Variants in APAF1 observed in about 807,000 individuals in gnomAD.
APAF1 encodes apoptotic peptidase activating factor 1.
In APAF1, 91 loss-of-function variants were observed where a neutral mutation model predicts 152.4. That is an observed-to-expected ratio of 0.60 (90% CI 0.50 to 0.71). The LOEUF is 0.71. APAF1 is among the 30% of genes least tolerant of loss of function. The pLI, the probability that APAF1 is intolerant of heterozygous loss-of-function variation, is 0.00. For synonymous variants in APAF1, 484 were observed against 494.1 expected (o/e 0.98, Z 0.27); for missense variants, 1,283 against 1,472.0 (o/e 0.87, Z 2.10).
At chr12:98,671,129 CA>C (rs2097679603) in intron 11 of APAF1, 43 bp downstream of exon 11, 2 of 1,213,644 alleles carry the variant, frequency 1.6e-6, no homozygotes, top group East Asian at 4.7e-5. Flanking sequence ...AAAGGAATCT[CA>C]TTTTTTTTTA....
intron 3 of APAF1, chr12:98,649,035 A>C: frequency 5.6e-6 from 4 of 712,414 alleles, no homozygotes; most frequent in South Asian, 3.9e-5. Context: ...AGATAATAAT[A>C]TGTCTACCCT....
At chr12:98,694,656 A>T (rs1388737161) in intron 16 of APAF1, among the ~76,000 whole-genome samples, 2 of 152,044 alleles carry the variant, frequency 1.3e-5, no homozygotes, top group Non-Finnish European at 2.9e-5. Flanking sequence ...TATGGGCATT[A>T]GTAATAGGGT....
At chr12:98,650,902 T>C (rs553016698) in intron 4 of APAF1, among the ~76,000 whole-genome samples, 3 of 151,576 alleles carry the variant, frequency 2.0e-5, no homozygotes, top group Non-Finnish European at 4.4e-5. Context: ...TTTCTTTGTG[T>C]ATTTATAATA....
intron 22 of APAF1, among the ~76,000 whole-genome samples, chr12:98,720,731 C>T (rs1354378037): frequency 6.6e-6 from 1 of 152,080 alleles, no homozygotes; most frequent in Non-Finnish European, 1.5e-5. Flanking sequence ...TTTGGGAGGC[C>T]GAGGCGGGCG....
intron 7 of APAF1, among the ~76,000 whole-genome samples, chr12:98,665,162 C>T (rs1471438825): frequency 4.0e-5 from 6 of 150,146 alleles, no homozygotes; most frequent in Non-Finnish European, 7.4e-5. Flanking sequence ...CCTAAGTAGC[C>T]GGCACTATAG....
intron 20 of APAF1, 36 bp from the exon 21 acceptor site, chr12:98,712,283 C>A: frequency 8.2e-7 from 1 of 1,217,744 alleles, no homozygotes; most frequent in Non-Finnish European, 1.2e-6. Flanking sequence ...ACTGCTCTTA[C>A]AGCCTAATAA....
rs189972761 is a variant in APAF1 at position 98,694,848 on chromosome 12, C to T, written c.2305-4560C>T. Among the ~76,000 whole-genome samples the T allele has an allele frequency of 1.9e-3, 277 of 149,268 alleles. 1 individual carries two copies. The highest frequency in any genetic ancestry group is 6.6e-3 in the African/African-American group (266 of 40,604). Reference sequence around the variant, plus strand: ...TGTGAACTTTTAAATTGTGGTTTTCCTATGGGTTATCTGTTTTTATCATGA... The same window carrying T: ...TGTGAACTTTTAAATTGTGGTTTTCTTATGGGTTATCTGTTTTTATCATGA... On this transcript the variant is annotated intron_variant, in intron 16 of 26. Transcript: ENST00000551964.
intron 4 of APAF1, among the ~76,000 whole-genome samples, chr12:98,655,787 C>CTT (rs1349274791): frequency 2.9e-5 from 4 of 137,282 alleles, no homozygotes; most frequent in Non-Finnish European, 6.4e-5. Flanking sequence ...CAAAATTTTT[C>CTT]TTTTTTTTTT....
chr12:98,728,705 A>G (rs2153345536), intron 26 of APAF1, among the ~76,000 whole-genome samples: 1 of 152,344 alleles, frequency 6.6e-6, no homozygotes, highest in African/African-American at 2.4e-5. Flanking sequence ...CCTGGGCAAC[A>G]GAGCGAGACT....
At chr12:98,727,337 G>T in intron 26 of APAF1, 21 bp downstream of exon 26, 4 of 1,613,284 alleles carry the variant, frequency 2.5e-6, no homozygotes, top group Non-Finnish European at 2.5e-6. Flanking sequence ...CCCAAGAACT[G>T]TGAAAGAAAA....
intron 16 of APAF1, among the ~76,000 whole-genome samples, chr12:98,692,324 C>T (rs1593074047): frequency 6.6e-6 from 1 of 152,138 alleles, no homozygotes; most frequent in African/African-American, 2.4e-5. Context: ...ACCTCGTGAT[C>T]CGCCTGCCTC....
intron 12 of APAF1, among the ~76,000 whole-genome samples, chr12:98,676,212 A>AT (rs1375545225): frequency 1.3e-5 from 2 of 151,778 alleles, no homozygotes; most frequent in Non-Finnish European, 2.9e-5. Flanking sequence ...TTTACACCTT[A>AT]TTATTTATTT....
At chr12:98,678,033 CTTTATGTTTGTGT>C (rs760754914) in intron 13 of APAF1, among the ~76,000 whole-genome samples, 307 of 152,162 alleles carry the variant, frequency 2.0e-3, no homozygotes, top group South Asian at 5.2e-3. Context: ...GAGTACTTTT[CTTTATGTTTGTGT>C]TCTGCCTTTT....
Position 98,692,016 on chromosome 12 carries a change from G to A in APAF1, c.2304+5143G>A, listed in dbSNP as rs529865560. ...TGTTGTCACTTAAGTAACATACCAT[G>A]CCTCAAAGTTATTGCACTCCAAACT... is the stretch of plus-strand genomic sequence containing the variant. On this transcript the variant is annotated intron_variant, in intron 16 of 26. Transcript: ENST00000551964. Among the ~76,000 whole-genome samples, 7 of 146,376 alleles carry A rather than the reference G, an allele frequency of 4.8e-5. No homozygotes were observed. In the South Asian group the frequency reaches 1.5e-3, roughly 32 times the overall value.
chr12:98,665,185 A>G (rs2097670572), intron 7 of APAF1, among the ~76,000 whole-genome samples: 1 of 149,236 alleles, frequency 6.7e-6, no homozygotes, highest in Non-Finnish European at 1.5e-5. Context: ...ACACACCACC[A>G]CACCTGGCTG....
Position 98,667,551 on chromosome 12 carries a change from T to C in APAF1, c.1401T>C (p.Tyr467=), listed in dbSNP as rs2097674605. The change falls in exon 10 of 27, where the codon TAT becomes TAC. Residue 467 remains tyrosine (Y), a synonymous_variant. Coordinates refer to ENST00000551964, the MANE Select transcript of APAF1 (RefSeq NM_181861.2). ...HKKIITQFQR[Y]HQPHTLSPDQ... ...AGATAATCACTCAGTTTCAGAGATA[T>C]CACCAGCCGCATACTCTTTCACCAG... 1 of 1,614,058 alleles carries C rather than the reference T, an allele frequency of 6.2e-7. No homozygotes were observed. The highest frequency in any genetic ancestry group is 8.5e-7 in the Non-Finnish European group (1 of 1,179,994).
In APAF1 at chr12:98,693,489, C is replaced by T. The variant is rs577184220; in HGVS notation, c.2305-5919C>T. On this transcript the variant is annotated intron_variant, in intron 16 of 26. Transcript: ENST00000551964. ...TGAGCCGTATCGTGTGAATTTTTTT[C>T]CTCTCTCATTAGCTTTCTGTTTTCC... Among the ~76,000 whole-genome samples, 29 of 149,460 alleles carry T rather than the reference C, an allele frequency of 1.9e-4. No homozygotes were observed. In the South Asian group the frequency reaches 3.0e-3, roughly 15 times the overall value.
At chr12:98,649,768 A>C in intron 4 of APAF1, 84 bp downstream of exon 4, 2 of 1,247,806 alleles carry the variant, frequency 1.6e-6, no homozygotes, top group Non-Finnish European at 2.3e-6. Flanking sequence ...TGATAAATTG[A>C]ATGGTAGAAA....
At chr12:98,671,401 A>G in intron 11 of APAF1, 134 bp from the exon 12 acceptor site, 1 of 826,850 alleles carries the variant, frequency 1.2e-6, no homozygotes. Context: ...TTGTTACTTA[A>G]TGGTTGGCTG....
Sources: gnomAD v4.1 joint callset for allele counts (sites outside exome capture counted in the v4.1 genomes callset) on GRCh38, gnomAD v4.1.1 for gene constraint, MANE v1.5 for transcripts, NCBI Gene and HGNC (gene_info 2026-07-23, HGNC 2026-07-21) for gene names.